NECAB2: variants seen among roughly 807,000 people sequenced by gnomAD.
NECAB2 encodes N-terminal EF-hand calcium-binding protein 2.
In NECAB2, 68 loss-of-function variants were observed where a neutral mutation model predicts 51.9. That is an observed-to-expected ratio of 1.31 (90% CI 1.08 to 1.60). The LOEUF (loss-of-function observed/expected upper bound fraction) is 1.60, where lower values mean the gene tolerates loss of function less well. Ranked by LOEUF, NECAB2 falls within the 40% of genes most tolerant of loss-of-function variation. The pLI is 0.00. For missense variants in NECAB2, 854 were observed against 490.3 expected, an observed-to-expected ratio of 1.74 and a Z score of -7.00; for synonymous variants, 329 against 203.5, an observed-to-expected ratio of 1.62 and a Z score of -5.25.
chr16:84,002,754 C>T lies in NECAB2; in HGVS notation c.*408C>T, dbSNP rs562514736. The T allele has an allele frequency of 7.2e-4, 154 of 215,306 alleles. 1 individual carries two copies. The highest frequency in any genetic ancestry group is 3.1e-3 in the African/African-American group (139 of 44,178). 13.3% of individuals were successfully genotyped at this position (215,306 alleles called of 1,614,324 possible). Reference sequence around the variant, plus strand: ...GGTAGCCACCACTGTGCCCAGGCGCCAAATAAACCCTGGTTGGGAAGAGCT... The same window carrying T: ...GGTAGCCACCACTGTGCCCAGGCGCTAAATAAACCCTGGTTGGGAAGAGCT... On this transcript the variant is annotated 3_prime_UTR_variant, in exon 13 of 13. Transcript: ENST00000305202.
chr16:83,980,960 G>C, intron 4 of NECAB2, 70 bp from the exon 5 acceptor site: 2 of 1,603,832 alleles, frequency 1.2e-6, no homozygotes, highest in Non-Finnish European at 1.7e-6. Context: ...TAGCGCAGGT[G>C]GGAGGTGCAG....
At chr16:83,967,231 C>T (rs1395579678), upstream of NECAB2, among the ~76,000 whole-genome samples, 6 of 152,058 alleles carry the variant, frequency 3.9e-5, no homozygotes, top group East Asian at 1.9e-4. Flanking sequence ...TGGCTCTGCC[C>T]ACTTGGATGT....
chr16:83,998,092 G>C (rs1020223152), intron 9 of NECAB2, 113 bp from the exon 10 acceptor site: 25 of 895,862 alleles, frequency 2.8e-5, no homozygotes, highest in Admixed American at 9.2e-5. Flanking sequence ...AATGAAAAGT[G>C]GGGGAGGGTT....
intron 10 of NECAB2, among the ~76,000 whole-genome samples, chr16:84,000,440 G>C (rs1233320486): frequency 2.6e-5 from 4 of 152,166 alleles, no homozygotes; most frequent in Admixed American, 2.6e-4. Flanking sequence ...AAGTGATTGT[G>C]CCACTGCACT....
At chr16:83,991,816 ATT>A (rs1222970973) in intron 6 of NECAB2, among the ~76,000 whole-genome samples, 319 of 112,476 alleles carry the variant, frequency 2.8e-3, no homozygotes, top group African/African-American at 9.1e-3. Flanking sequence ...ACACCCAGCT[ATT>A]TTTTTTTTTT....
upstream of NECAB2, among the ~76,000 whole-genome samples, chr16:83,967,899 C>T (rs1002920148): frequency 5.7e-5 from 8 of 140,462 alleles, no homozygotes; most frequent in Non-Finnish European, 1.2e-4. Flanking sequence ...GATGGATGGA[C>T]GGACAGTCGG....
At chr16:83,981,621 C>T (rs966739133) in intron 5 of NECAB2, among the ~76,000 whole-genome samples, 10 of 152,114 alleles carry the variant, frequency 6.6e-5, no homozygotes, top group African/African-American at 2.4e-4. Flanking sequence ...AACAGAGGCT[C>T]ACAAAGGTGA....
intron 3 of NECAB2, among the ~76,000 whole-genome samples, chr16:83,979,047 C>A (rs1426881953): frequency 1.3e-5 from 2 of 152,182 alleles, no homozygotes; most frequent in African/African-American, 4.8e-5. Context: ...CCAGTCATAA[C>A]CCTGACCTGC....
At chr16:83,974,229 G>A (rs1371269296) in intron 2 of NECAB2, among the ~76,000 whole-genome samples, 2 of 152,148 alleles carry the variant, frequency 1.3e-5, no homozygotes, top group East Asian at 1.9e-4. Flanking sequence ...CAGCCTGACT[G>A]CCTAGGCTCA....
chr16:83,977,337 G>C (rs888237210), intron 2 of NECAB2, among the ~76,000 whole-genome samples: 1 of 152,108 alleles, frequency 6.6e-6, no homozygotes, highest in African/African-American at 2.4e-5. Context: ...TGGGGGATGA[G>C]CTTGCTGGCA....
chr16:83,978,901 C>A (rs1197902696), intron 3 of NECAB2, among the ~76,000 whole-genome samples: 1 of 152,114 alleles, frequency 6.6e-6, no homozygotes, highest in Non-Finnish European at 1.5e-5. Context: ...AACCCCAATG[C>A]CTGTGTGTCC....
chr16:83,986,421 C>T (rs567760011), intron 5 of NECAB2, among the ~76,000 whole-genome samples: 2 of 152,270 alleles, frequency 1.3e-5, no homozygotes, highest in Admixed American at 1.3e-4. Flanking sequence ...ATAGCAATTC[C>T]GAAATCAGTT....
At chr16:84,000,366 T>C (rs530841214) in intron 10 of NECAB2, among the ~76,000 whole-genome samples, 4 of 98,648 alleles carry the variant, frequency 4.1e-5, no homozygotes, top group East Asian at 4.8e-4. Flanking sequence ...CCCATCTCTA[T>C]TGGGACAGTT....
At chr16:83,967,868 G>A (rs533794976), upstream of NECAB2, among the ~76,000 whole-genome samples, 9 of 148,784 alleles carry the variant, frequency 6.0e-5, no homozygotes, top group Non-Finnish European at 1.0e-4. Flanking sequence ...ATGGATGGAT[G>A]AATGGTTGGG....
intron 2 of NECAB2, among the ~76,000 whole-genome samples, chr16:83,973,869 G>T (rs769283585): frequency 6.6e-6 from 1 of 152,166 alleles, no homozygotes; most frequent in East Asian, 1.9e-4. Context: ...AGCCATGGCT[G>T]TGCATCCCGA....
chr16:83,997,891 TTTC>T (rs1409067917), intron 9 of NECAB2, among the ~76,000 whole-genome samples: 1 of 152,104 alleles, frequency 6.6e-6, no homozygotes, highest in Non-Finnish European at 1.5e-5. Flanking sequence ...ACTATGAGTT[TTTC>T]TTGTCAGTGG....
intron 8 of NECAB2, among the ~76,000 whole-genome samples, chr16:83,995,226 G>A (rs1310364350): frequency 1.3e-5 from 2 of 152,232 alleles, no homozygotes; most frequent in Non-Finnish European, 2.9e-5. Flanking sequence ...TCGGGATAGA[G>A]TGCTCACAAT....
At chr16:83,976,457 T>G (rs1244196360) in intron 2 of NECAB2, among the ~76,000 whole-genome samples, 1 of 152,200 alleles carries the variant, frequency 6.6e-6, no homozygotes, top group African/African-American at 2.4e-5. Context: ...GTGGTGTGAC[T>G]CCACACTGGG....
chr16:83,998,185 A>T lies in NECAB2; in HGVS notation c.850-20A>T. On this transcript the variant is annotated intron_variant, in intron 9 of 12. Transcript: ENST00000305202. The stretch of plus-strand genomic sequence containing the variant: ...AGGCCTGACGTGGAGCCCCACACTG[A>T]CTCCTGCTGTGCCCGGCAGCACCTG... 1 of 1,602,078 alleles carries T rather than the reference A, an allele frequency of 6.2e-7. No individual in the cohort carries two copies. The highest frequency in any genetic ancestry group is 8.5e-7 in the Non-Finnish European group (1 of 1,177,886).
Sources: gnomAD v4.1 joint callset for allele counts (sites outside exome capture counted in the v4.1 genomes callset) on GRCh38, gnomAD v4.1.1 for gene constraint, MANE v1.5 for transcripts, NCBI Gene and HGNC (gene_info 2026-07-23, HGNC 2026-07-21) for gene names.